The following CTDSPL variants were observed in gnomAD, a reference collection of about 807,000 sequenced individuals.
The protein encoded by CTDSPL is CTD small phosphatase like.
Under a neutral mutation model 30.5 loss-of-function variants are expected in CTDSPL, and 8 were observed. The ratio of observed to expected loss-of-function variants is 0.26; its 90% confidence interval spans 0.15 to 0.47. CTDSPL has a LOEUF of 0.47. Ranked by LOEUF, CTDSPL falls within the 20% of genes least tolerant of loss-of-function variation. The pLI is 0.99. For synonymous variants in CTDSPL, 110 were observed against 137.9 expected (o/e 0.80, Z 1.42); for missense variants, 248 against 366.1 (o/e 0.68, Z 2.63).
At chr3:37,924,041 C>G (rs1242856383) in intron 1 of CTDSPL, among the ~76,000 whole-genome samples, 4 of 152,172 alleles carry the variant, frequency 2.6e-5, no homozygotes, top group African/African-American at 9.7e-5. Context: ...CAAAACGAAA[C>G]AGAGAAGAGT....
chr3:37,954,876 A>C (rs1296401968), intron 2 of CTDSPL: 1 of 152,258 alleles, frequency 6.6e-6, no homozygotes, highest in Non-Finnish European at 1.5e-5. Context: ...AAATATATGC[A>C]TACCTCATGC....
chr3:37,945,735 T>C (rs960401653), intron 1 of CTDSPL, among the ~76,000 whole-genome samples: 3 of 152,208 alleles, frequency 2.0e-5, no homozygotes, highest in Non-Finnish European at 4.4e-5. Flanking sequence ...TTAGTAAGTG[T>C]GGATCTTAAA....
intron 1 of CTDSPL, among the ~76,000 whole-genome samples, chr3:37,890,744 T>C (rs1169288321): frequency 5.9e-5 from 9 of 152,182 alleles, no homozygotes; most frequent in Non-Finnish European, 8.8e-5. Flanking sequence ...ATGTCCTCCC[T>C]GTCTGTTGGC....
intron 1 of CTDSPL, among the ~76,000 whole-genome samples, chr3:37,900,557 A>G (rs1266780294): frequency 6.6e-6 from 1 of 152,230 alleles, no homozygotes; most frequent in South Asian, 2.1e-4. Context: ...AAGGAACTGT[A>G]GAAATCTTAT....
At chr3:37,889,005 T>TA (rs756801349) in intron 1 of CTDSPL, among the ~76,000 whole-genome samples, 17 of 152,218 alleles carry the variant, frequency 1.1e-4, no homozygotes, top group South Asian at 6.2e-4. Context: ...TGTATAATCT[T>TA]ACCTCTGGGT....
At chr3:37,948,808 CTT>C (rs71635858) in intron 2 of CTDSPL, among the ~76,000 whole-genome samples, 48 of 108,144 alleles carry the variant, frequency 4.4e-4, no homozygotes, top group African/African-American at 1.7e-3. Context: ...TTCCAGCTTT[CTT>C]TTTTTTTTTT....
At chr3:37,960,494 A>ATAAAT (rs1559645058) in intron 3 of CTDSPL, among the ~76,000 whole-genome samples, 32 of 62,316 alleles carry the variant, frequency 5.1e-4, no homozygotes, top group African/African-American at 2.2e-3. Context: ...AAAAAAAAAA[A>ATAAAT]AAAAAAAAAA....
In CTDSPL at chr3:37,982,302, T is replaced by C; in HGVS notation, c.*1435T>C. 1 of 329,872 alleles carries C rather than the reference T, an allele frequency of 3.0e-6. No homozygotes were observed. Among genetic ancestry groups the C allele is most frequent in the Non-Finnish European group, 6.0e-6 (1 of 167,240 alleles). The allele number at this position is 329,872 out of a possible 1,614,324, so 20.4% of individuals were successfully genotyped here. A position where few individuals can be genotyped will look rare whatever the true frequency, so the allele number is the denominator to read the frequency against. On this transcript the variant is annotated 3_prime_UTR_variant, in exon 8 of 8. Transcript: ENST00000273179. The stretch of plus-strand genomic sequence containing the variant: ...GCCCCAAACCAGGGAGAGGAAGAGC[T>C]CCCACAGGGAGAGCCCAGGCTCTCT...
intron 1 of CTDSPL, among the ~76,000 whole-genome samples, chr3:37,888,846 G>A (rs1301649738): frequency 6.6e-6 from 1 of 152,170 alleles, no homozygotes; most frequent in Non-Finnish European, 1.5e-5. Context: ...TAAGGAGAGT[G>A]CTAAAGGGCA....
intron 2 of CTDSPL, 98 bp downstream of exon 2, chr3:37,947,309 A>ACCAC: frequency 7.0e-7 from 1 of 1,419,974 alleles, no homozygotes; most frequent in Non-Finnish European, 9.5e-7. Flanking sequence ...ATGCAGAGCC[A>ACCAC]GGCGTGGTGG....
chr3:37,939,375 A>C (rs773213010), intron 1 of CTDSPL, among the ~76,000 whole-genome samples: 4 of 150,360 alleles, frequency 2.7e-5, no homozygotes, highest in African/African-American at 7.3e-5. Context: ...TTGAACCTAA[A>C]TGTAATTCCA....
intron 6 of CTDSPL, among the ~76,000 whole-genome samples, chr3:37,971,710 A>G (rs1176742340): frequency 6.6e-6 from 1 of 152,188 alleles, no homozygotes; most frequent in Non-Finnish European, 1.5e-5. Flanking sequence ...AGCACTTAGA[A>G]CAAATGCTCC....
At chr3:37,915,960 G>T (rs1559632643) in intron 1 of CTDSPL, among the ~76,000 whole-genome samples, 1 of 152,168 alleles carries the variant, frequency 6.6e-6, no homozygotes, top group South Asian at 2.1e-4. Context: ...TATGAATCTG[G>T]TATGACTGTG....
intron 1 of CTDSPL, among the ~76,000 whole-genome samples, chr3:37,876,514 G>A (rs1222105730): frequency 6.6e-6 from 1 of 152,122 alleles, no homozygotes; most frequent in Non-Finnish European, 1.5e-5. Context: ...ATTATAGTGG[G>A]TATTTAGTGG....
chr3:37,915,507 G>C (rs573602651), intron 1 of CTDSPL, among the ~76,000 whole-genome samples: 1 of 152,062 alleles, frequency 6.6e-6, no homozygotes. Flanking sequence ...TTTCAAACTA[G>C]ATATTTGCTT....
Position 37,947,151 on chromosome 3 carries a change from T to G in CTDSPL, c.174T>G (p.Pro58=), listed in dbSNP as rs1699048853. 1.2e-6 allele frequency: 2 copies of G among 1,613,106 alleles called. No individual in the cohort carries two copies. Among genetic ancestry groups the G allele is most frequent in the Non-Finnish European group, 1.7e-6 (2 of 1,179,968 alleles). The change falls in exon 2 of 8, where the codon CCT becomes CCG. Residue 58 remains proline, a synonymous_variant. Coordinates refer to ENST00000273179, the MANE Select transcript of CTDSPL (RefSeq NM_001008392.2). ...TCCGTGATTACAATGTGGAGGCCCC[T>G]CCACCCAGCAGCCCCAGTGTGCTTC... is the stretch of plus-strand genomic sequence containing the variant. ...CCFRDYNVEA[P]PPSSPSVLPP... is the part of the protein sequence containing the mutation.
intron 1 of CTDSPL, among the ~76,000 whole-genome samples, chr3:37,873,651 A>G (rs1280221245): frequency 1.3e-5 from 2 of 152,200 alleles, no homozygotes; most frequent in East Asian, 1.9e-4. Context: ...TGATTTTTAG[A>G]CCTACCCAAA....
chr3:37,929,843 C>T (rs1698829322), intron 1 of CTDSPL, among the ~76,000 whole-genome samples: 2 of 152,156 alleles, frequency 1.3e-5, no homozygotes, highest in Non-Finnish European at 1.5e-5. Context: ...CATGGTGGCT[C>T]ACGCCTGTAA....
At chr3:37,950,850 A>G (rs1334727329) in intron 2 of CTDSPL, among the ~76,000 whole-genome samples, 3 of 152,224 alleles carry the variant, frequency 2.0e-5, no homozygotes, top group South Asian at 4.1e-4. Context: ...AAACAATTAT[A>G]TTAGTATCAG....
Sources: allele counts gnomAD v4.1 joint callset (sites outside exome capture counted in the v4.1 genomes callset), GRCh38; gene constraint gnomAD v4.1.1; transcripts MANE v1.5; gene names NCBI Gene and HGNC (gene_info 2026-07-23, HGNC 2026-07-21).